The following ECE1 variants were observed in gnomAD, a reference collection of about 807,000 sequenced individuals.
ECE1 encodes the protein endothelin converting enzyme 1, also known as endothelin-converting enzyme 1.
A neutral mutation model predicts 98.6 loss-of-function variants in ECE1; 35 were observed. The observed-to-expected ratio is 0.35, with a 90% CI of 0.27 to 0.47. The LOEUF (loss-of-function observed/expected upper bound fraction) is 0.47. Among genes scored for constraint, ECE1 ranks in the 20% least tolerant of loss-of-function variants. ECE1 has a pLI of 1.00. For missense variants in ECE1, 814 were observed against 1,025.3 expected (o/e 0.79, Z 2.81); for synonymous variants, 394 against 407.1 (o/e 0.97, Z 0.39).
At chr1:21,331,060 G>C (rs997509872) in intron 1 of ECE1, among the ~76,000 whole-genome samples, 15 of 152,148 alleles carry the variant, frequency 9.9e-5, no homozygotes, top group Non-Finnish European at 1.8e-4. Flanking sequence ...ACGATCGCTT[G>C]AGCCCGAAGT....
chr1:21,255,422 G>A (rs2098218627), intron 8 of ECE1, among the ~76,000 whole-genome samples: 2 of 152,330 alleles, frequency 1.3e-5, no homozygotes, highest in African/African-American at 2.4e-5. Flanking sequence ...GCCCTTGGAC[G>A]TTGGGCTTCT....
upstream of ECE1, chr1:21,293,821 C>T (rs1178152248): frequency 1.3e-5 from 2 of 152,608 alleles, no homozygotes; most frequent in Non-Finnish European, 2.9e-5. Context: ...TCCCCACACC[C>T]ACCTAGAGCC....
At chr1:21,332,359 T>C (rs213043) in intron 1 of ECE1, among the ~76,000 whole-genome samples, 3,001 of 151,918 alleles carry the variant, frequency 0.02, 92 homozygotes, top group African/African-American at 0.068. Context: ...GTGACATTTA[T>C]TAGGCACTTA....
chr1:21,292,259 GCCCC>G (rs1225275721), upstream of ECE1, among the ~76,000 whole-genome samples: 4 of 152,158 alleles, frequency 2.6e-5, no homozygotes, highest in African/African-American at 9.6e-5. Flanking sequence ...AGGCCCCATG[GCCCC>G]TGCCCACTCT....
intron 1 of ECE1, among the ~76,000 whole-genome samples, chr1:21,305,501 C>T (rs1240641431): frequency 6.6e-6 from 1 of 152,174 alleles, no homozygotes; most frequent in African/African-American, 2.4e-5. Flanking sequence ...ACAATCTGTC[C>T]CTCACTCTCA....
chr1:21,290,777 TC>T (rs991185188), upstream of ECE1, among the ~76,000 whole-genome samples: 1 of 151,842 alleles, frequency 6.6e-6, no homozygotes, highest in Non-Finnish European at 1.5e-5. This position sits in a 1 kb window ranked among gnomAD's most constrained non-coding sequence, Gnocchi z 7.3. Context: ...CAAGACAGGT[TC>T]CCCCCGGCAT....
chr1:21,330,133 C>CAT (rs1639168221), intron 1 of ECE1, among the ~76,000 whole-genome samples: 1 of 86,490 alleles, frequency 1.2e-5, no homozygotes, highest in Non-Finnish European at 2.1e-5. Context: ...TCACTAAATA[C>CAT]TTTTTTTTTT....
chr1:21,230,338 C>A (rs2098180160), intron 14 of ECE1, among the ~76,000 whole-genome samples: 1 of 152,160 alleles, frequency 6.6e-6, no homozygotes, highest in Non-Finnish European at 1.5e-5. Flanking sequence ...TAAAATATCC[C>A]TCATCCCTCC....
chr1:21,309,002 G>C (rs1638658160), intron 1 of ECE1, among the ~76,000 whole-genome samples: 1 of 152,330 alleles, frequency 6.6e-6, no homozygotes, highest in African/African-American at 2.4e-5. Flanking sequence ...AGAAACAGCA[G>C]GGCACCTAGC....
chr1:21,243,764 G>C (rs1264209820), intron 10 of ECE1, among the ~76,000 whole-genome samples: 1 of 152,250 alleles, frequency 6.6e-6, no homozygotes, highest in Non-Finnish European at 1.5e-5. Flanking sequence ...GTCCAAGGTA[G>C]ATGCAGGAGG....
intron 1 of ECE1, among the ~76,000 whole-genome samples, chr1:21,317,188 C>T (rs1271185648): frequency 6.6e-6 from 1 of 152,170 alleles, no homozygotes; most frequent in Non-Finnish European, 1.5e-5. Context: ...TTTTGCTACC[C>T]ACCAGAATAG....
intron 11 of ECE1, 64 bp from the exon 12 acceptor site, chr1:21,236,908 C>A: frequency 7.1e-7 from 1 of 1,416,530 alleles, no homozygotes; most frequent in Non-Finnish European, 1.0e-6. Context: ...GCAACAGGCA[C>A]CCCGTGCAGA....
intron 16 of ECE1, among the ~76,000 whole-genome samples, chr1:21,226,511 A>T (rs1367019551): frequency 6.6e-6 from 1 of 152,180 alleles, no homozygotes; most frequent in African/African-American, 2.4e-5. Context: ...GGATGCAGAA[A>T]GCAGAGGCAG....
chr1:21,307,186 G>T lies in ECE1; in HGVS notation c.4-17030C>A, dbSNP rs540539207. Among the ~76,000 whole-genome samples, 2 of 152,130 alleles carry T rather than the reference G, an allele frequency of 1.3e-5. No homozygotes were observed. Among genetic ancestry groups the T allele is most frequent in the Non-Finnish European group, 2.9e-5 (2 of 68,022 alleles). ...ACTCCTGTCCACATTACCCCAGCCC[G>T]GGCCCTGTAATGCTGGCTTTAACAT... On this transcript the variant is annotated intron_variant, in intron 1 of 18. Coordinates refer to the ECE1 transcript ENST00000415912. This position sits in a 1 kb window ranked among gnomAD's most constrained non-coding sequence, Gnocchi z 4.2.
Position 21,237,125 on chromosome 1 carries a change from C to A in ECE1, c.1390-281G>T, listed in dbSNP as rs546333858. On this transcript the variant is annotated intron_variant, in intron 11 of 18. Transcript: ENST00000374893. The stretch of plus-strand genomic sequence containing the variant: ...GTCTCTGCTGTGGTACTTTTCAGAG[C>A]CTTTAATATGGTAATAATAGGCACC... Among the ~76,000 whole-genome samples the A allele has an allele frequency of 8.7e-4, 132 of 152,174 alleles. 1 individual carries two copies. The highest frequency in any genetic ancestry group is 4.3e-4 in the Non-Finnish European group (29 of 68,018).
intron 1 of ECE1, among the ~76,000 whole-genome samples, chr1:21,309,595 A>C (rs1638671998): frequency 6.6e-6 from 1 of 152,170 alleles, no homozygotes; most frequent in South Asian, 2.1e-4. Flanking sequence ...TGTCCCAAGC[A>C]GGTCATGATC....
At chr1:21,336,726 C>T (rs1639311627) in intron 1 of ECE1, among the ~76,000 whole-genome samples, 1 of 152,134 alleles carries the variant, frequency 6.6e-6, no homozygotes, top group African/African-American at 2.4e-5. Flanking sequence ...ACCTGTAGTC[C>T]CAGCTACTCA....
At chr1:21,335,676 C>T (rs1639293875) in intron 1 of ECE1, among the ~76,000 whole-genome samples, 1 of 152,176 alleles carries the variant, frequency 6.6e-6, no homozygotes, top group African/African-American at 2.4e-5. Context: ...GAATGAAGGG[C>T]CCACCAGCTT....
intron 10 of ECE1, among the ~76,000 whole-genome samples, chr1:21,241,828 G>A (rs1240603726): frequency 6.6e-6 from 1 of 152,200 alleles, no homozygotes; most frequent in African/African-American, 2.4e-5. Context: ...CTACAGGATG[G>A]TGAGAAAATC....
Sources: gnomAD v4.1 joint callset for allele counts (sites outside exome capture counted in the v4.1 genomes callset) on GRCh38, gnomAD v4.1.1 for gene constraint, Gnocchi (gnomAD v3.1) non-coding constraint, MANE v1.5 for transcripts, NCBI Gene and HGNC (gene_info 2026-07-23, HGNC 2026-07-21) for gene names.